CADM1: variants seen among roughly 807,000 people sequenced by gnomAD.
CADM1 encodes the protein cell adhesion molecule 1, also known as TSLC-1.
A neutral mutation model predicts 53.1 loss-of-function variants in CADM1; 15 were observed. The ratio of observed to expected loss-of-function variants is 0.28; its 90% CI spans 0.19 to 0.44. CADM1 has a LOEUF of 0.44. Among genes scored for constraint, CADM1 ranks in the 20% least tolerant of loss-of-function variants. The probability of loss-of-function intolerance (pLI) is 1.00; values close to 1 mark genes in which losing one functional copy is unlikely to be tolerated. For missense variants in CADM1, 434 were observed against 611.3 expected (o/e 0.71, Z 3.06); for synonymous variants, 281 against 243.0 (o/e 1.16, Z -1.45).
At chr11:115,493,828 A>G (rs771844321) in intron 1 of CADM1, among the ~76,000 whole-genome samples, 6 of 152,170 alleles carry the variant, frequency 3.9e-5, no homozygotes, top group Admixed American at 6.5e-5. Context: ...TGTCAATGCC[A>G]TAAAAGATAC....
intron 1 of CADM1, among the ~76,000 whole-genome samples, chr11:115,347,594 C>T (rs1945614066): frequency 6.6e-6 from 1 of 152,012 alleles, no homozygotes; most frequent in Non-Finnish European, 1.5e-5. Context: ...TTTTGACATG[C>T]AAGAAGATAA....
intron 1 of CADM1, among the ~76,000 whole-genome samples, chr11:115,369,047 A>AAAAAAAAAAAAAAAAG (rs1946247226): frequency 6.7e-6 from 1 of 149,630 alleles, no homozygotes; most frequent in Non-Finnish European, 1.5e-5. Context: ...AAAAAAAAAA[A>AAAAAAAAAAAAAAAAG]AAAAAAATTA....
intron 1 of CADM1, among the ~76,000 whole-genome samples, chr11:115,283,324 T>A (rs7117860): frequency 0.2 from 30,325 of 152,034 alleles, 3,240 homozygotes; most frequent in South Asian, 0.33. Flanking sequence ...TAGAAGGAAG[T>A]CATGTTGCTG....
chr11:115,285,116 G>A (rs1943696656), intron 1 of CADM1, among the ~76,000 whole-genome samples: 1 of 152,178 alleles, frequency 6.6e-6, no homozygotes, highest in Non-Finnish European at 1.5e-5. Context: ...ATCAGTCAAT[G>A]CCAAGGAATC....
chr11:115,238,256 T>C (rs1407405892), intron 3 of CADM1, among the ~76,000 whole-genome samples: 1 of 152,192 alleles, frequency 6.6e-6, no homozygotes, highest in Admixed American at 6.5e-5. Context: ...CTAAATTCTC[T>C]TGATCTTTGC....
intron 1 of CADM1, among the ~76,000 whole-genome samples, chr11:115,475,664 G>A (rs1436983612): frequency 2.6e-5 from 4 of 152,188 alleles, no homozygotes; most frequent in African/African-American, 9.7e-5. Flanking sequence ...TTAAGTAAAA[G>A]AAGCTACATT....
chr11:115,180,875 A>G (rs1030363790), intron 10 of CADM1, among the ~76,000 whole-genome samples: 4 of 152,180 alleles, frequency 2.6e-5, no homozygotes, highest in Non-Finnish European at 4.4e-5. Flanking sequence ...CTCATCTCCA[A>G]TGGCCATGAG....
At chr11:115,397,050 T>C (rs1221267913) in intron 1 of CADM1, 2 of 152,086 alleles carry the variant, frequency 1.3e-5, no homozygotes, top group Non-Finnish European at 1.5e-5. Flanking sequence ...CTCGTTATGT[T>C]CAATAATTAG....
chr11:115,276,789 G>C (rs1482371379), intron 1 of CADM1, among the ~76,000 whole-genome samples: 1 of 152,112 alleles, frequency 6.6e-6, no homozygotes, highest in Non-Finnish European at 1.5e-5. Flanking sequence ...CAAATAAGCT[G>C]TTTCTACCCT....
intron 1 of CADM1, among the ~76,000 whole-genome samples, chr11:115,261,304 C>T (rs1275694676): frequency 6.6e-6 from 1 of 152,190 alleles, no homozygotes; most frequent in Non-Finnish European, 1.5e-5. Flanking sequence ...TCAATTAGAG[C>T]ATCTGTTACT....
chr11:115,282,169 A>G (rs897507830), intron 1 of CADM1, among the ~76,000 whole-genome samples: 4 of 152,200 alleles, frequency 2.6e-5, no homozygotes, highest in African/African-American at 9.6e-5. Flanking sequence ...GATGTCTTAT[A>G]TGGATTATCT....
chr11:115,468,759 G>C (rs956893343), intron 1 of CADM1, among the ~76,000 whole-genome samples: 1 of 152,154 alleles, frequency 6.6e-6, no homozygotes, highest in Non-Finnish European at 1.5e-5. Context: ...ACCTGTATTA[G>C]TCTGTTCTCA....
chr11:115,456,641 A>G (rs1020843445), intron 1 of CADM1, among the ~76,000 whole-genome samples: 5 of 152,228 alleles, frequency 3.3e-5, no homozygotes, highest in Non-Finnish European at 4.4e-5. Flanking sequence ...AATGCAAAAA[A>G]CCTGGACTTT....
At chr11:115,407,921 G>T (rs1947359916) in intron 1 of CADM1, among the ~76,000 whole-genome samples, 2 of 129,216 alleles carry the variant, frequency 1.5e-5, no homozygotes, top group African/African-American at 5.7e-5. Flanking sequence ...GAGTTGAGTT[G>T]AGTTTTTGTG....
chr11:115,238,692 G>A lies in CADM1; in HGVS notation c.272-40C>T, dbSNP rs748434374. 2.5e-6 allele frequency: 4 copies of A among 1,599,596 alleles called. No homozygotes were observed. The East Asian group carries it at 8.9e-5, about 36-fold the overall frequency. Reference sequence around the variant, plus strand: ...AGAGAGTTAGTGATTGTGAGAAGGTGGACGGACAGTCTATTTTCCTTAATT... The same window carrying A: ...AGAGAGTTAGTGATTGTGAGAAGGTAGACGGACAGTCTATTTTCCTTAATT... On this transcript the variant is annotated intron_variant, in intron 2 of 11. Coordinates refer to ENST00000331581, the MANE Select transcript of CADM1 (RefSeq NM_001301043.2).
intron 1 of CADM1, chr11:115,363,733 C>T (rs951135716): frequency 6.6e-6 from 1 of 152,058 alleles, no homozygotes; most frequent in African/African-American, 2.4e-5. Context: ...TTTATTGGGG[C>T]CTGAATCAAA....
chr11:115,187,125 A>G (rs1939598896), intron 10 of CADM1, among the ~76,000 whole-genome samples: 1 of 152,242 alleles, frequency 6.6e-6, no homozygotes, highest in South Asian at 2.1e-4. Flanking sequence ...TATGGGCTAT[A>G]ACTTAAATAT....
chr11:115,389,510 T>A (rs1946780870), intron 1 of CADM1, among the ~76,000 whole-genome samples: 2 of 152,314 alleles, frequency 1.3e-5, no homozygotes, highest in East Asian at 1.9e-4. Context: ...CTGAGGAGAA[T>A]GGTTAAATTA....
intron 1 of CADM1, among the ~76,000 whole-genome samples, chr11:115,473,838 C>A (rs1392867761): frequency 6.6e-6 from 1 of 151,998 alleles, no homozygotes; most frequent in East Asian, 1.9e-4. Context: ...AATTAATAAA[C>A]TGGACTTTAT....
Sources: allele counts gnomAD v4.1 joint callset (sites outside exome capture counted in the v4.1 genomes callset), GRCh38; gene constraint gnomAD v4.1.1; transcripts MANE v1.5; gene names NCBI Gene and HGNC (gene_info 2026-07-23, HGNC 2026-07-21).